CDH12: variants seen among roughly 807,000 people sequenced by gnomAD.
The protein encoded by CDH12 is cadherin 12, also known as cadherin-12.
CDH12 carries 41 observed loss-of-function variants against 74.1 expected under a neutral mutation model. The observed-to-expected ratio is 0.55, with a 90% confidence interval of 0.43 to 0.72. CDH12 has a LOEUF of 0.72. Among genes scored for constraint, CDH12 ranks in the 30% least tolerant of loss-of-function variants. CDH12 has a pLI of 0.00. For missense variants in CDH12, 945 were observed against 977.2 expected (o/e 0.97, Z 0.44); for synonymous variants, 399 against 355.0 (o/e 1.12, Z -1.39).
At chr5:22,307,741 A>T (rs971977634) in intron 3 of CDH12, among the ~76,000 whole-genome samples, 3 of 152,216 alleles carry the variant, frequency 2.0e-5, no homozygotes, top group Admixed American at 1.3e-4. Context: ...AATCTTGGTG[A>T]CAAACTGCTA....
Position 22,142,583 on chromosome 5 carries a change from A to T in CDH12, c.-186-63721T>A, listed in dbSNP as rs1746875250. The T allele has an allele frequency of 9.2e-6, 6 of 653,678 alleles. No individual in the cohort carries two copies. The South Asian group carries it at 9.7e-5, about 11-fold the overall frequency. The allele number at this position is 653,678 out of a possible 1,614,324, so 40.5% of individuals were successfully genotyped here. ...TCCTGTAGGAAGGAGAGATTTTGAC[A>T]GTGAGTAGTTTTTCAAAATTCAATT... On this transcript the variant is annotated intron_variant, in intron 4 of 14. Coordinates refer to ENST00000382254, the MANE Select transcript of CDH12 (RefSeq NM_004061.5).
At chr5:22,416,100 A>G (rs1279242465) in intron 2 of CDH12, among the ~76,000 whole-genome samples, 34 of 100,558 alleles carry the variant, frequency 3.4e-4, no homozygotes, top group Non-Finnish European at 1.8e-4. Context: ...TTTGAGACGG[A>G]GTCTCGCTCT....
At chr5:22,809,783 C>T (rs1426191933) in intron 1 of CDH12, among the ~76,000 whole-genome samples, 8 of 151,862 alleles carry the variant, frequency 5.3e-5, no homozygotes, top group Admixed American at 1.3e-4. Context: ...CTTCTAAACA[C>T]TTTAATAACT....
intron 3 of CDH12, among the ~76,000 whole-genome samples, chr5:22,403,784 T>C (rs1742827518): frequency 6.6e-6 from 1 of 152,178 alleles, no homozygotes; most frequent in South Asian, 2.1e-4. Flanking sequence ...GTTGCAGTAG[T>C]AAGACATTGT....
intron 2 of CDH12, among the ~76,000 whole-genome samples, chr5:22,455,517 C>G (rs1167056797): frequency 6.6e-6 from 1 of 151,102 alleles, no homozygotes; most frequent in African/African-American, 2.5e-5. Context: ...TTTAAACAGA[C>G]ACTCTAGGTG....
At chr5:21,927,294 T>C (rs1316789788) in intron 6 of CDH12, among the ~76,000 whole-genome samples, 2 of 152,046 alleles carry the variant, frequency 1.3e-5, no homozygotes, top group East Asian at 1.9e-4. Flanking sequence ...AAAAATATTA[T>C]AATAAATCAG....
chr5:22,317,211 G>A (rs1054305135), intron 3 of CDH12, among the ~76,000 whole-genome samples: 4 of 152,014 alleles, frequency 2.6e-5, no homozygotes, highest in Admixed American at 6.6e-5. Context: ...CTAGCTACTC[G>A]GGAGGCTGAC....
At chr5:22,627,331 C>T (rs934033075) in intron 1 of CDH12, among the ~76,000 whole-genome samples, 5 of 151,804 alleles carry the variant, frequency 3.3e-5, no homozygotes, top group African/African-American at 1.2e-4. Flanking sequence ...ATATTAAAAA[C>T]AGCCAGAGCA....
chr5:22,019,882 T>C (rs1303978697), intron 5 of CDH12, among the ~76,000 whole-genome samples: 2 of 152,140 alleles, frequency 1.3e-5, no homozygotes, highest in African/African-American at 4.8e-5. Context: ...TGTCAATATG[T>C]GTGAAATCAA....
chr5:22,812,674 T>C (rs1359602253), intron 1 of CDH12, among the ~76,000 whole-genome samples: 4 of 152,148 alleles, frequency 2.6e-5, no homozygotes, highest in African/African-American at 9.7e-5. Context: ...TTCAAAGAAC[T>C]GGAGGTCTCA....
At chr5:21,933,070 A>G (rs980895933) in intron 6 of CDH12, among the ~76,000 whole-genome samples, 127 of 151,860 alleles carry the variant, frequency 8.4e-4, no homozygotes, top group Non-Finnish European at 5.0e-4. Flanking sequence ...TTCATTAAGT[A>G]CATTATCTCA....
chr5:22,734,214 C>A (rs920945933), intron 1 of CDH12, among the ~76,000 whole-genome samples: 2 of 151,972 alleles, frequency 1.3e-5, no homozygotes, highest in African/African-American at 4.8e-5. Context: ...TATTCAAGAA[C>A]AGTATTCACT....
intron 2 of CDH12, among the ~76,000 whole-genome samples, chr5:22,453,351 T>G (rs1227054582): frequency 1.3e-5 from 2 of 152,036 alleles, no homozygotes; most frequent in Admixed American, 1.3e-4. Flanking sequence ...CACCAGTGGA[T>G]AAAGGTATGA....
intron 5 of CDH12, among the ~76,000 whole-genome samples, chr5:22,057,999 T>TTCTA (rs79909356): frequency 0.19 from 28,509 of 149,202 alleles, 2,699 homozygotes; most frequent in East Asian, 0.26. Context: ...TTTCCTTGTA[T>TTCTA]TCTATCTATC....
chr5:22,143,843 C>T (rs1746975975), intron 4 of CDH12: 1 of 152,192 alleles, frequency 6.6e-6, no homozygotes, highest in Non-Finnish European at 1.5e-5. Context: ...CATATTGTGA[C>T]TGTTTGCATA....
chr5:22,515,668 C>CATG (rs1312806823), intron 1 of CDH12, among the ~76,000 whole-genome samples: 6 of 151,968 alleles, frequency 3.9e-5, no homozygotes, highest in African/African-American at 1.4e-4. Flanking sequence ...GAATCATAGA[C>CATG]TATTTGATAT....
chr5:22,357,458 A>G (rs1022696273), intron 3 of CDH12, among the ~76,000 whole-genome samples: 11 of 152,160 alleles, frequency 7.2e-5, no homozygotes, highest in Admixed American at 5.9e-4. Context: ...CATAAAAAAA[A>G]CCATCATGAT....
At chr5:22,647,935 AAT>A (rs928609450) in intron 1 of CDH12, among the ~76,000 whole-genome samples, 2 of 151,902 alleles carry the variant, frequency 1.3e-5, no homozygotes, top group Admixed American at 1.3e-4. Flanking sequence ...AGCTAACAGT[AAT>A]ATATATGTTT....
At chr5:22,227,760 C>T (rs535796553) in intron 3 of CDH12, among the ~76,000 whole-genome samples, 9 of 152,260 alleles carry the variant, frequency 5.9e-5, no homozygotes, top group African/African-American at 2.2e-4. Flanking sequence ...CACTTCCCAA[C>T]CTTAACACTT....
Sources: gnomAD v4.1 joint callset for allele counts (sites outside exome capture counted in the v4.1 genomes callset) on GRCh38, gnomAD v4.1.1 for gene constraint, MANE v1.5 for transcripts, NCBI Gene and HGNC (gene_info 2026-07-23, HGNC 2026-07-21) for gene names.